The following HOMER1 variants were observed in gnomAD, a reference collection of about 807,000 sequenced individuals.
The protein encoded by HOMER1 is homer scaffold protein 1.
HOMER1 carries 3 observed loss-of-function variants against 48.9 expected under a neutral mutation model. The ratio of observed to expected loss-of-function variants is 0.06; its 90% CI spans 0.03 to 0.16. The LOEUF (loss-of-function observed/expected upper bound fraction) is 0.16. Among genes scored for constraint, HOMER1 ranks in the 10% least tolerant of loss-of-function variants. The probability of loss-of-function intolerance (pLI) is 1.00; values close to 1 mark genes in which losing one functional copy is unlikely to be tolerated. For synonymous variants in HOMER1, 134 were observed against 146.4 expected (o/e 0.92, Z 0.61); for missense variants, 247 against 411.4 (o/e 0.60, Z 3.46).
At chr5:79,424,047 A>G (rs1750176126) in intron 5 of HOMER1, among the ~76,000 whole-genome samples, 1 of 152,108 alleles carries the variant, frequency 6.6e-6, no homozygotes, top group Admixed American at 6.5e-5. Flanking sequence ...GTCCCATAAT[A>G]AAATGGGAAC....
intron 3 of HOMER1, among the ~76,000 whole-genome samples, chr5:79,447,663 T>C (rs549826737): frequency 6.6e-6 from 1 of 152,258 alleles, no homozygotes; most frequent in African/African-American, 2.4e-5. Context: ...AACTAAAAAT[T>C]TATTTCCGAA....
At chr5:79,402,482 C>A (rs1361400626) in intron 5 of HOMER1, among the ~76,000 whole-genome samples, 1 of 152,100 alleles carries the variant, frequency 6.6e-6, no homozygotes, top group African/African-American at 2.4e-5. Flanking sequence ...AGAATGTTTT[C>A]AAAGACAACC....
chr5:79,409,602 A>G (rs1455510066), intron 5 of HOMER1, among the ~76,000 whole-genome samples: 1 of 152,218 alleles, frequency 6.6e-6, no homozygotes, highest in East Asian at 1.9e-4. Context: ...AAGGCAATCC[A>G]TGGAAAGAGA....
intron 5 of HOMER1, among the ~76,000 whole-genome samples, chr5:79,409,004 C>T (rs1201521200): frequency 6.2e-5 from 9 of 145,372 alleles, no homozygotes; most frequent in African/African-American, 1.1e-4. Flanking sequence ...ACTGCTTGAA[C>T]CTAGGAGGCA....
At chr5:79,407,014 T>A (rs150579863) in intron 5 of HOMER1, among the ~76,000 whole-genome samples, 1 of 152,272 alleles carries the variant, frequency 6.6e-6, no homozygotes, top group African/African-American at 2.4e-5. Flanking sequence ...CAGACCTTCT[T>A]TGAGGTGTGC....
chr5:79,481,307 T>C (rs1751937762), intron 1 of HOMER1, among the ~76,000 whole-genome samples: 1 of 152,070 alleles, frequency 6.6e-6, no homozygotes, highest in South Asian at 2.1e-4. Flanking sequence ...ACTAAAACAC[T>C]AGACAAAATA....
intron 1 of HOMER1, among the ~76,000 whole-genome samples, chr5:79,485,536 A>G (rs979936341): frequency 3.3e-5 from 5 of 152,232 alleles, no homozygotes; most frequent in African/African-American, 9.6e-5. Context: ...AATGTAATAC[A>G]TGATATTTAG....
intron 1 of HOMER1, among the ~76,000 whole-genome samples, chr5:79,467,174 G>A (rs976361759): frequency 6.6e-6 from 1 of 151,868 alleles, no homozygotes; most frequent in African/African-American, 2.4e-5. Context: ...TAAGGCGGGC[G>A]GATCACTTGA....
chr5:79,497,143 T>C (rs887178435), intron 1 of HOMER1, among the ~76,000 whole-genome samples: 8 of 151,000 alleles, frequency 5.3e-5, no homozygotes, highest in African/African-American at 1.9e-4. Flanking sequence ...TAAGGATATC[T>C]AGACAGAATA....
chr5:79,474,211 T>A, intron 1 of HOMER1, among the ~76,000 whole-genome samples: 1 of 138,598 alleles, frequency 7.2e-6, no homozygotes, highest in African/African-American at 2.8e-5. Flanking sequence ...CCAAAATTTT[T>A]TTTTTTTTTT....
intron 5 of HOMER1, among the ~76,000 whole-genome samples, chr5:79,419,638 ATTC>A (rs1333674450): frequency 6.6e-6 from 1 of 151,924 alleles, no homozygotes; most frequent in African/African-American, 2.4e-5. Flanking sequence ...CATGCTGAGT[ATTC>A]TTCAAGAATA....
intron 1 of HOMER1, among the ~76,000 whole-genome samples, chr5:79,498,814 C>A (rs1379715528): frequency 6.6e-6 from 1 of 151,220 alleles, no homozygotes; most frequent in Non-Finnish European, 1.5e-5. Context: ...TACAATTGGT[C>A]CTTCTACTTG....
intron 6 of HOMER1, among the ~76,000 whole-genome samples, chr5:79,398,308 TACACACAC>T (rs139315456): frequency 6.7e-6 from 1 of 149,458 alleles, no homozygotes; most frequent in African/African-American, 2.5e-5. Flanking sequence ...TCAATATAAA[TACACACAC>T]ACACACACAC....
At chr5:79,507,212 C>CAAAAAAA (rs34697575) in intron 1 of HOMER1, among the ~76,000 whole-genome samples, 3 of 51,910 alleles carry the variant, frequency 5.8e-5, no homozygotes, top group East Asian at 1.1e-3. Flanking sequence ...GGCTCTATCT[C>CAAAAAAA]AAAAAAAAAA....
chr5:79,376,328 T>A, intron 8 of HOMER1, 131 bp from the exon 9 acceptor site: 1 of 648,018 alleles, frequency 1.5e-6, no homozygotes, highest in Non-Finnish European at 2.5e-6. Flanking sequence ...GAATCTTAAT[T>A]TAGCACAATT....
intron 8 of HOMER1, among the ~76,000 whole-genome samples, chr5:79,387,892 G>A (rs1749157622): frequency 6.6e-6 from 1 of 152,118 alleles, no homozygotes; most frequent in Admixed American, 6.5e-5. Flanking sequence ...GACATAACTA[G>A]AAGATACAGA....
At chr5:79,377,838 GAC>G in intron 8 of HOMER1, among the ~76,000 whole-genome samples, 1 of 152,066 alleles carries the variant, frequency 6.6e-6, no homozygotes, top group South Asian at 2.1e-4. Context: ...TGAAATTACA[GAC>G]ACTTTTTTCC....
chr5:79,451,556 CTTTTTTTTTTTTTTTTT>C (rs71615542), intron 2 of HOMER1, among the ~76,000 whole-genome samples: 2 of 64,640 alleles, frequency 3.1e-5, no homozygotes, highest in Admixed American at 2.2e-4. Context: ...AAATATGACA[CTTTTTTTTTTTTTTTTT>C]TTTTTTTTTT....
rs138342596 is a variant in HOMER1 at position 79,493,685 on chromosome 5, T to C, written c.5+19085A>G. On this transcript the variant is annotated intron_variant, in intron 1 of 8. Transcript: ENST00000334082. ...TAACTCCTCCATCTGTGCTCCATATTGCATTCTCACCCATCTCTTTCTCAA... is the reference window on the plus strand; with the variant it reads ...TAACTCCTCCATCTGTGCTCCATATCGCATTCTCACCCATCTCTTTCTCAA... 3.3e-5 allele frequency among the ~76,000 whole-genome samples: 5 copies of C among 152,312 alleles called. No individual in the cohort carries two copies. The East Asian group carries it at 9.6e-4, about 29-fold the overall frequency.
Sources: gnomAD v4.1 joint callset for allele counts (sites outside exome capture counted in the v4.1 genomes callset) on GRCh38, gnomAD v4.1.1 for gene constraint, MANE v1.5 for transcripts, NCBI Gene and HGNC (gene_info 2026-07-23, HGNC 2026-07-21) for gene names.